CUL2: variants seen among roughly 807,000 people sequenced by gnomAD.
The protein encoded by CUL2 is cullin-2.
Under a neutral mutation model 110.2 loss-of-function variants are expected in CUL2, and 22 were observed. The ratio of observed to expected loss-of-function variants is 0.20; its 90% CI spans 0.14 to 0.28. The LOEUF is 0.28. Ranked by LOEUF, CUL2 falls within the 10% of genes least tolerant of loss-of-function variation. The pLI, the probability that CUL2 is intolerant of heterozygous loss-of-function variation, is 1.00. For synonymous variants in CUL2, 279 were observed against 293.2 expected, an observed-to-expected ratio of 0.95 and a Z score of 0.49; for missense variants, 631 against 905.5, an observed-to-expected ratio of 0.70 and a Z score of 3.89.
At chr10:35,052,116 TTC>T (rs1447677922) in intron 5 of CUL2, among the ~76,000 whole-genome samples, 1 of 152,198 alleles carries the variant, frequency 6.6e-6, no homozygotes, top group Non-Finnish European at 1.5e-5. Flanking sequence ...TGTTTGACTC[TTC>T]TCTTTTTCCA....
chr10:35,019,397 G>A (rs1368270639), intron 17 of CUL2, among the ~76,000 whole-genome samples: 1 of 152,002 alleles, frequency 6.6e-6, no homozygotes, highest in African/African-American at 2.4e-5. Flanking sequence ...ACTCTACCAG[G>A]GATCAGGGGT....
chr10:35,090,481 C>G (rs1849488212), upstream of CUL2: 1 of 137,694 alleles, frequency 7.3e-6, no homozygotes, highest in African/African-American at 2.8e-5. Context: ...CGCTCCCCGG[C>G]GGGACAGGGG....
intron 18 of CUL2, among the ~76,000 whole-genome samples, chr10:35,014,570 C>T (rs962694239): frequency 2.6e-5 from 4 of 152,032 alleles, no homozygotes; most frequent in African/African-American, 9.7e-5. Context: ...TGGTGGCTCA[C>T]GTCTGTAATC....
At chr10:35,117,281 A>G (rs929477352) in intron 1 of CUL2, among the ~76,000 whole-genome samples, 4 of 152,304 alleles carry the variant, frequency 2.6e-5, no homozygotes, top group African/African-American at 9.6e-5. Flanking sequence ...TCTGTTGCTC[A>G]GGCTGGAGTG....
At chr10:35,072,636 G>A (rs1031488485) in intron 1 of CUL2, among the ~76,000 whole-genome samples, 7 of 152,196 alleles carry the variant, frequency 4.6e-5, no homozygotes, top group Non-Finnish European at 8.8e-5. Context: ...CCAAAGTGCA[G>A]GGATTACAGG....
rs113258045 is a variant in CUL2 at position 35,034,288 on chromosome 10, T to C, written c.1002+884A>G. Among the ~76,000 whole-genome samples, 942 of 152,222 alleles carry C rather than the reference T, an allele frequency of 6.2e-3. 12 individuals carry two copies. Among genetic ancestry groups the C allele is most frequent in the African/African-American group, 0.022 (894 of 41,530 alleles). On this transcript the variant is annotated intron_variant, in intron 10 of 20. Coordinates refer to ENST00000374749, the MANE Select transcript of CUL2 (RefSeq NM_003591.4). ...GTAAACTAGTAAGTTTGACAAATAA[T>C]AGAGTAATAAACCTGAATACTATAA...
chr10:35,098,412 C>T (rs1046218091), intron 2 of CUL2, among the ~76,000 whole-genome samples: 1 of 152,052 alleles, frequency 6.6e-6, no homozygotes, highest in Non-Finnish European at 1.5e-5. Context: ...TGACATTTTT[C>T]TGAACTGTTA....
At chr10:35,034,250 T>C (rs2085560236) in intron 10 of CUL2, among the ~76,000 whole-genome samples, 1 of 152,212 alleles carries the variant, frequency 6.6e-6, no homozygotes, top group Non-Finnish European at 1.5e-5. Context: ...ATGGAATCTA[T>C]AAACGTAATA....
At chr10:35,084,163 GC>G (rs1451653778) in intron 1 of CUL2, among the ~76,000 whole-genome samples, 1 of 152,128 alleles carries the variant, frequency 6.6e-6, no homozygotes, top group African/African-American at 2.4e-5. Flanking sequence ...TATAGTCCCA[GC>G]TACTTGGGAG....
rs766868288 is a variant in CUL2, at chr10:35,071,246, C to G, written c.72G>C (p.Val24=). ...CTCTTTCGACGTATTCCAACATGAC[C>G]ACGGCTTTTATTGTCGTCAAAAGTT... is the stretch of plus-strand genomic sequence containing the variant. ...WNKLLTTIKA[V]VMLEYVERAT... The change falls in exon 2 of 21, where the codon GTG becomes GTC. Residue 24 remains valine (V), a synonymous_variant. Coordinates refer to ENST00000374749, the MANE Select transcript of CUL2 (RefSeq NM_003591.4). The G allele has an allele frequency of 6.2e-7, 1 of 1,613,998 alleles. No homozygotes were observed. Among genetic ancestry groups the G allele is most frequent in the Admixed American group, 1.7e-5 (1 of 60,010 alleles).
At chr10:35,014,148 G>C (rs909758672) in intron 18 of CUL2, among the ~76,000 whole-genome samples, 3 of 152,134 alleles carry the variant, frequency 2.0e-5, no homozygotes, top group African/African-American at 7.2e-5. Context: ...ACACCAAAGT[G>C]CGTAACTTTT....
At chr10:35,019,327 C>T (rs2085126523) in intron 17 of CUL2, among the ~76,000 whole-genome samples, 1 of 152,142 alleles carries the variant, frequency 6.6e-6, no homozygotes, top group Non-Finnish European at 1.5e-5. Flanking sequence ...GGGGCCAAAG[C>T]ATCATTTACT....
At chr10:35,109,814 C>T (rs759820906) in intron 1 of CUL2, among the ~76,000 whole-genome samples, 3 of 152,198 alleles carry the variant, frequency 2.0e-5, no homozygotes, top group Non-Finnish European at 4.4e-5. Flanking sequence ...TTTATTTCAA[C>T]CACATGGAAG....
intron 6 of CUL2, among the ~76,000 whole-genome samples, chr10:35,048,144 C>T (rs2085999172): frequency 6.6e-6 from 1 of 152,106 alleles, no homozygotes; most frequent in Non-Finnish European, 1.5e-5. Context: ...TAGCACAATG[C>T]TTGGTATGTA....
chr10:35,030,115 T>G (rs2085444145), intron 14 of CUL2, among the ~76,000 whole-genome samples: 1 of 152,226 alleles, frequency 6.6e-6, no homozygotes, highest in Admixed American at 6.5e-5. Context: ...ACTCTCCCAG[T>G]AGCTGGGACT....
chr10:35,016,133 T>C, intron 18 of CUL2, 59 bp downstream of exon 18: 3 of 1,393,172 alleles, frequency 2.2e-6, no homozygotes, highest in South Asian at 1.2e-5. Flanking sequence ...ACTGCAAACA[T>C]CTCATGAAAA....
At chr10:35,057,819 C>A (rs188951875) in intron 4 of CUL2, among the ~76,000 whole-genome samples, 6,170 of 151,882 alleles carry the variant, frequency 0.041, 402 homozygotes, top group African/African-American at 0.14. Flanking sequence ...ATGGGCTGGA[C>A]GCAGTGGCTC....
In CUL2 at chr10:35,058,779, C is replaced by A. The variant is rs148799698; in HGVS notation, c.317+2095G>T. Among the ~76,000 whole-genome samples the A allele has an allele frequency of 3.7e-4, 57 of 152,324 alleles. No homozygotes were observed. The East Asian group carries it at 9.3e-3, about 25-fold the overall frequency. On this transcript the variant is annotated intron_variant, in intron 4 of 20. Transcript: ENST00000374749. ...TTTAAGGAAAATGTATAAACACTAA[C>A]CCTCCTAAGAACCTCTTTGGACAAA...
upstream of CUL2, among the ~76,000 whole-genome samples, chr10:35,095,184 C>T (rs1254429812): frequency 6.6e-6 from 1 of 151,836 alleles, no homozygotes; most frequent in Non-Finnish European, 1.5e-5. Context: ...ATTAGCTGGG[C>T]ATAGTGCTGC....
Sources: allele counts gnomAD v4.1 joint callset (sites outside exome capture counted in the v4.1 genomes callset), GRCh38; gene constraint gnomAD v4.1.1; transcripts MANE v1.5; gene names NCBI Gene and HGNC (gene_info 2026-07-23, HGNC 2026-07-21).